SLC24A3: variants seen among roughly 807,000 people sequenced by gnomAD.
SLC24A3 encodes the protein sodium/potassium/calcium exchanger 3.
A neutral mutation model predicts 75.8 loss-of-function variants in SLC24A3; 28 were observed. The observed-to-expected ratio is 0.37, with a 90% CI of 0.27 to 0.51. SLC24A3 has a LOEUF of 0.51. Ranked by LOEUF, SLC24A3 falls within the 20% of genes least tolerant of loss-of-function variation. SLC24A3 has a pLI of 0.94. For synonymous variants in SLC24A3, 372 were observed against 334.1 expected (o/e 1.11, Z -1.24); for missense variants, 663 against 847.8 (o/e 0.78, Z 2.71).
At chr20:19,285,109 A>G (rs922597011) in intron 2 of SLC24A3, among the ~76,000 whole-genome samples, 2 of 152,132 alleles carry the variant, frequency 1.3e-5, no homozygotes, top group African/African-American at 4.8e-5. Flanking sequence ...TTTTGGTGCC[A>G]GAGAAAGCCC....
intron 12 of SLC24A3, among the ~76,000 whole-genome samples, chr20:19,692,756 G>GCA (rs1416027916): frequency 1.3e-3 from 193 of 152,290 alleles, no homozygotes; most frequent in African/African-American, 4.5e-3. Flanking sequence ...AATCCTCTTT[G>GCA]AAGATTCCGG....
At chr20:19,562,151 T>C (rs1315149958) in intron 3 of SLC24A3, among the ~76,000 whole-genome samples, 1 of 152,166 alleles carries the variant, frequency 6.6e-6, no homozygotes, top group East Asian at 1.9e-4. Context: ...CTGGGGAAGG[T>C]AACTGGAAGC....
chr20:19,410,670 A>G, intron 2 of SLC24A3, among the ~76,000 whole-genome samples: 2 of 152,210 alleles, frequency 1.3e-5, no homozygotes, highest in East Asian at 3.9e-4. Flanking sequence ...TCATAGCCCC[A>G]GCACCAAGAA....
At chr20:19,581,767 T>C (rs1275861130) in intron 4 of SLC24A3, among the ~76,000 whole-genome samples, 1 of 152,188 alleles carries the variant, frequency 6.6e-6, no homozygotes, top group African/African-American at 2.4e-5. Context: ...GAGTCACTAT[T>C]TGAGCCCAAG....
chr20:19,476,425 G>A (rs1412869605), intron 2 of SLC24A3, among the ~76,000 whole-genome samples: 1 of 152,174 alleles, frequency 6.6e-6, no homozygotes, highest in Non-Finnish European at 1.5e-5. Flanking sequence ...TAACATAGGA[G>A]AAAATTAGGT....
intron 1 of SLC24A3, among the ~76,000 whole-genome samples, chr20:19,272,225 GGTTGCCCCTC>G (rs1983351277): frequency 6.6e-6 from 1 of 152,244 alleles, no homozygotes; most frequent in African/African-American, 2.4e-5. Context: ...CTGCCAGGAG[GGTTGCCCCTC>G]AGGGTCTGGG....
chr20:19,462,272 T>TTG (rs1489624645), intron 2 of SLC24A3, among the ~76,000 whole-genome samples: 1 of 144,544 alleles, frequency 6.9e-6, no homozygotes, highest in Non-Finnish European at 1.6e-5. Context: ...GCGGGTGGCT[T>TTG]TCTTTCTTTT....
intron 2 of SLC24A3, 85 bp downstream of exon 2, chr20:19,281,172 A>C: frequency 6.4e-7 from 1 of 1,562,766 alleles, no homozygotes; most frequent in Non-Finnish European, 8.7e-7. Context: ...GTGTTTTCTT[A>C]GAATTTTAAT....
intron 9 of SLC24A3, among the ~76,000 whole-genome samples, chr20:19,674,721 T>C (rs554036166): frequency 1.7e-4 from 26 of 152,320 alleles, no homozygotes; most frequent in Non-Finnish European, 3.5e-4. Context: ...TGTTATGACA[T>C]ATGTTCTTTT....
chr20:19,353,386 TA>T (rs562168984), intron 2 of SLC24A3, among the ~76,000 whole-genome samples: 30 of 151,472 alleles, frequency 2.0e-4, no homozygotes, highest in East Asian at 1.7e-3. Context: ...CATAGCTATT[TA>T]AAAAAAAATA....
chr20:19,215,774 A>G (rs79587954), intron 1 of SLC24A3, among the ~76,000 whole-genome samples: 8 of 152,354 alleles, frequency 5.3e-5, no homozygotes, highest in African/African-American at 1.9e-4. Context: ...CTAGACATCT[A>G]ACGAAACTCA....
At chr20:19,453,984 G>A (rs1398816078) in intron 2 of SLC24A3, among the ~76,000 whole-genome samples, 4 of 152,196 alleles carry the variant, frequency 2.6e-5, no homozygotes, top group South Asian at 2.1e-4. Flanking sequence ...CTGACAGAGC[G>A]GTTTTTCCAC....
intron 2 of SLC24A3, among the ~76,000 whole-genome samples, chr20:19,459,242 A>G (rs1013718186): frequency 1.3e-5 from 2 of 152,222 alleles, no homozygotes; most frequent in African/African-American, 4.8e-5. Flanking sequence ...ATAACCCTAA[A>G]CATGTTGGCC....
chr20:19,489,806 G>A (rs1362273134), intron 2 of SLC24A3, among the ~76,000 whole-genome samples: 2 of 152,138 alleles, frequency 1.3e-5, no homozygotes, highest in Non-Finnish European at 2.9e-5. Context: ...AGTATACCAC[G>A]TGGCCTTTTT....
intron 2 of SLC24A3, among the ~76,000 whole-genome samples, chr20:19,302,086 G>A (rs1984209224): frequency 6.6e-6 from 1 of 152,202 alleles, no homozygotes; most frequent in African/African-American, 2.4e-5. Flanking sequence ...CACCCAGAAA[G>A]GGTAGGACAT....
At chr20:19,435,434 C>A (rs779497685) in intron 2 of SLC24A3, among the ~76,000 whole-genome samples, 2 of 152,150 alleles carry the variant, frequency 1.3e-5, no homozygotes, top group Non-Finnish European at 2.9e-5. Flanking sequence ...TAGTCTATAC[C>A]ATAGCATTAA....
intron 6 of SLC24A3, among the ~76,000 whole-genome samples, chr20:19,615,486 G>A (rs185208938): frequency 1.3e-5 from 2 of 152,272 alleles, no homozygotes; most frequent in African/African-American, 2.4e-5. Flanking sequence ...AAGGTGAAGG[G>A]AAAGCAGGCA....
chr20:19,557,577 G>A (rs920749094), intron 3 of SLC24A3, among the ~76,000 whole-genome samples: 1 of 152,196 alleles, frequency 6.6e-6, no homozygotes, highest in African/African-American at 2.4e-5. Flanking sequence ...CAGACCTCAT[G>A]ATTGCCTGGT....
At chr20:19,305,221 A>G (rs1362166386) in intron 2 of SLC24A3, among the ~76,000 whole-genome samples, 1 of 152,092 alleles carries the variant, frequency 6.6e-6, no homozygotes, top group Non-Finnish European at 1.5e-5. Flanking sequence ...AGGAGTCCCC[A>G]GCATTGCCTC....
Sources: gnomAD v4.1 joint callset for allele counts (sites outside exome capture counted in the v4.1 genomes callset) on GRCh38, gnomAD v4.1.1 for gene constraint, MANE v1.5 for transcripts, NCBI Gene and HGNC (gene_info 2026-07-23, HGNC 2026-07-21) for gene names.